The following SCUBE1 variants were observed in gnomAD, a reference collection of about 807,000 sequenced individuals.
SCUBE1 encodes signal peptide, CUB and EGF-like domain-containing protein 1.
In SCUBE1, 59 loss-of-function variants were observed where a neutral mutation model predicts 124.4. That is an observed-to-expected ratio of 0.47 (90% CI 0.38 to 0.59). The LOEUF is 0.59. Ranked by LOEUF, SCUBE1 falls within the 20% of genes least tolerant of loss-of-function variation. SCUBE1 has a pLI of 0.00. For missense variants in SCUBE1, 1,150 were observed against 1,371.2 expected (o/e 0.84, Z 2.55); for synonymous variants, 545 against 550.9 (o/e 0.99, Z 0.15).
At chr22:43,213,043 C>T (rs1921638628) in intron 16 of SCUBE1, 1 of 182,280 alleles carries the variant, frequency 5.5e-6, no homozygotes, top group Non-Finnish European at 1.1e-5. Flanking sequence ...CAGAGGGAGG[C>T]GGGTCTGGGG....
In SCUBE1 at chr22:43,254,291, G is replaced by A. The variant is rs149519021; in HGVS notation, c.727+3928C>T. 1.2e-4 allele frequency among the ~76,000 whole-genome samples: 19 copies of A among 152,304 alleles called. No homozygotes were observed. In the East Asian group the frequency reaches 1.5e-3, roughly 12 times the overall value. Reference sequence around the variant, plus strand: ...CATGGACTTAGGGTCATAGAGCACCGTCAGCCAGACCCATGAGCTCCTCGA... The same window carrying A: ...CATGGACTTAGGGTCATAGAGCACCATCAGCCAGACCCATGAGCTCCTCGA... On this transcript the variant is annotated intron_variant, in intron 6 of 21. Transcript: ENST00000360835.
Position 43,220,510 on chromosome 22 carries a change from T to C in SCUBE1, c.1627A>G (p.Lys543Glu). 1.2e-6 allele frequency: 2 copies of C among 1,614,120 alleles called. No homozygotes were observed. The highest frequency in any genetic ancestry group is 1.1e-5 in the South Asian group (1 of 91,080). Residue 543 changes from lysine to glutamate, a missense_variant, in exon 14 of 22, where the codon AAG becomes GAG. This residue lies in a region of SCUBE1 where 757 missense variants were observed against 840.9 expected (regional missense o/e 0.90). Coordinates refer to ENST00000360835, the MANE Select transcript of SCUBE1 (RefSeq NM_173050.5). ...KRRRGRKSPS[K>E]EVSHITAEFE... Reference sequence around the variant, plus strand: ...TCTGCTGTGATGTGGGACACCTCCTTGGATGGGGACTTGCGGCCACGGCGC... The same window carrying C: ...TCTGCTGTGATGTGGGACACCTCCTCGGATGGGGACTTGCGGCCACGGCGC...
rs1168072799 is a variant in SCUBE1, at chr22:43,253,615, C to G, written c.727+4604G>C. On this transcript the variant is annotated intron_variant, in intron 6 of 21. Transcript: ENST00000360835. The stretch of plus-strand genomic sequence containing the variant: ...AACCCAGGCTGAGGCTACCTGCATT[C>G]TCAGGGCCTCCCTCCTCACCTCCTG... 2.0e-5 allele frequency among the ~76,000 whole-genome samples: 3 copies of G among 152,160 alleles called. No homozygotes were observed. The East Asian group carries it at 5.8e-4, about 29-fold the overall frequency.
intron 2 of SCUBE1, among the ~76,000 whole-genome samples, chr22:43,325,706 C>T (rs770093126): frequency 2.0e-5 from 3 of 151,870 alleles, no homozygotes; most frequent in Non-Finnish European, 2.9e-5. Context: ...CCTTCCCCTG[C>T]TTGGATTTTT....
Position 43,255,431 on chromosome 22 carries a change from T to C in SCUBE1, c.727+2788A>G, listed in dbSNP as rs1923620100. The C allele has an allele frequency of 7.0e-7, 1 of 1,425,586 alleles. No individual in the cohort carries two copies. Among genetic ancestry groups the C allele is most frequent in the Non-Finnish European group, 9.7e-7 (1 of 1,033,556 alleles). The allele number at this position is 1,425,586 out of a possible 1,614,324, so 88.3% of individuals were successfully genotyped here. A position where few individuals can be genotyped will look rare whatever the true frequency, so the allele number is the denominator to read the frequency against. On this transcript the variant is annotated intron_variant, in intron 6 of 21. Transcript: ENST00000360835. This position sits in a 1 kb window ranked among gnomAD's most constrained non-coding sequence, Gnocchi z 4.7. ...TGCCAGTGCGCACCCGAGACACACA[T>C]GTGCACACACACACACAAGTGCAAG... is the stretch of plus-strand genomic sequence containing the variant.
intron 2 of SCUBE1, among the ~76,000 whole-genome samples, chr22:43,332,098 C>T (rs1926921488): frequency 6.6e-6 from 1 of 152,028 alleles, no homozygotes; most frequent in African/African-American, 2.4e-5. Context: ...ACCAACCTGG[C>T]CAACATGGTG....
intron 1 of SCUBE1, among the ~76,000 whole-genome samples, chr22:43,339,681 A>ACCCCCCACAAGCATTGC (rs1927215715): frequency 2.2e-5 from 1 of 46,214 alleles, no homozygotes; most frequent in African/African-American, 8.4e-5. Flanking sequence ...TCCTCACTCT[A>ACCCCCCACAAGCATTGC]TCCCCCCACA....
At chr22:43,319,120 C>T (rs2146783326) in intron 3 of SCUBE1, among the ~76,000 whole-genome samples, 1 of 152,286 alleles carries the variant, frequency 6.6e-6, no homozygotes, top group East Asian at 1.9e-4. Flanking sequence ...TTCAAAATTC[C>T]TTTGTTGAAG....
At chr22:43,328,215 C>G (rs933901624) in intron 2 of SCUBE1, among the ~76,000 whole-genome samples, 6 of 152,182 alleles carry the variant, frequency 3.9e-5, no homozygotes, top group African/African-American at 1.4e-4. Context: ...TGGGCTCTGG[C>G]ATCAGGACTA....
At position 43,202,140 on chromosome 22, in the gene SCUBE1, CAT is replaced by C. The variant is rs753609794; in HGVS notation, c.*1855_*1856del. The stretch of plus-strand genomic sequence containing the variant: ...GCCGCGGAGCCCGCTACTGTGGGCA[CAT>C]GTGACGGCGTGAGTAATTGCTGAGC... On this transcript the variant is annotated 3_prime_UTR_variant, in exon 22 of 22. Transcript: ENST00000360835. 2.6e-5 allele frequency: 4 copies of C among 152,264 alleles called. No homozygotes were observed. The highest frequency in any genetic ancestry group is 6.5e-5 in the Admixed American group (1 of 15,284). The allele number at this position is 152,264 out of a possible 1,614,324, so 9.4% of individuals were successfully genotyped here.
chr22:43,258,030 G>A lies in SCUBE1; in HGVS notation c.727+189C>T, dbSNP rs920820707. On this transcript the variant is annotated intron_variant, in intron 6 of 21. Coordinates refer to ENST00000360835, the MANE Select transcript of SCUBE1 (RefSeq NM_173050.5). The surrounding 1 kb of genome is among the most constrained non-coding windows in gnomAD (Gnocchi z 5.0). ...TTGGGGGGCTGCAGGCCCCAGAGAA[G>A]CCTCCCCAGAAAGCCTCCCCAGGGG... 1.3e-5 allele frequency among the ~76,000 whole-genome samples: 2 copies of A among 152,188 alleles called. No individual in the cohort carries two copies. The highest frequency in any genetic ancestry group is 6.5e-5 in the Admixed American group (1 of 15,308).
chr22:43,262,728 T>C lies in SCUBE1; in HGVS notation c.602A>G (p.Asp201Gly). The stretch of plus-strand genomic sequence containing the variant: ...TGTCTCCCTCTACCTACGTGTGCAG[T>C]CCTTCTGGTTTTGGGCAAGGTCAAA... ...PGFDLAQNQKDCTLTCNYGNG... is the reference protein window; with the variant it reads ...PGFDLAQNQKGCTLTCNYGNG... The change falls in exon 5 of 22, where the codon GAC becomes GGC. Residue 201 changes from aspartate to glycine, a missense_variant. Asp to Gly is a moderately conservative substitution (Grantham distance 94). Coordinates refer to ENST00000360835, the MANE Select transcript of SCUBE1 (RefSeq NM_173050.5). 1.2e-6 allele frequency: 2 copies of C among 1,614,066 alleles called. No individual in the cohort carries two copies. The highest frequency in any genetic ancestry group is 1.7e-5 in the Admixed American group (1 of 60,020).
chr22:43,210,800 C>A lies in SCUBE1; in HGVS notation c.2383+122G>T. The A allele has an allele frequency of 8.4e-7, 1 of 1,189,518 alleles. No individual in the cohort carries two copies. The highest frequency in any genetic ancestry group is 1.9e-5 in the Admixed American group (1 of 51,524). The allele number at this position is 1,189,518 out of a possible 1,614,324, so 73.7% of individuals were successfully genotyped here. ...GCAATGCACCCGAGAGCAGACGGGA[C>A]GGAGCGGGAGGAGTCCAGTGTCCTC... On this transcript the variant is annotated intron_variant, in intron 18 of 21. Coordinates refer to ENST00000360835, the MANE Select transcript of SCUBE1 (RefSeq NM_173050.5). The surrounding 1 kb of genome is among the most constrained non-coding windows in gnomAD (Gnocchi z 4.5).
Position 43,204,041 on chromosome 22 carries a change from G to A in SCUBE1, c.2923C>T (p.Leu975=). Residue 975 remains leucine (L), a synonymous_variant, in exon 22 of 22, where the codon CTG becomes TTG. Coordinates refer to ENST00000360835, the MANE Select transcript of SCUBE1 (RefSeq NM_173050.5). ...KEMFPRSFIK[L]LRSKVSRFLR... ...AACCGAGACACTTTGGAGCGCAGCAGTTTGATGAAGGACCGTGGGAACATC... is the reference window on the plus strand; with the variant it reads ...AACCGAGACACTTTGGAGCGCAGCAATTTGATGAAGGACCGTGGGAACATC... 3 of 1,614,172 alleles carry A rather than the reference G, an allele frequency of 1.9e-6. No individual in the cohort carries two copies. Among genetic ancestry groups the A allele is most frequent in the Non-Finnish European group, 2.5e-6 (3 of 1,180,020 alleles).
rs967057848 is a variant in SCUBE1 at position 43,290,961 on chromosome 22, C to T, written c.484+85G>A. 11 of 1,421,234 alleles carry T rather than the reference C, an allele frequency of 7.7e-6. No homozygotes were observed. The Admixed American group carries it at 2.0e-4, about 26-fold the overall frequency. The allele number at this position is 1,421,234 out of a possible 1,614,324, so 88.0% of individuals were successfully genotyped here. On this transcript the variant is annotated intron_variant, in intron 4 of 21. Transcript: ENST00000360835. Reference sequence around the variant, plus strand: ...AATTCCCTGCCTTGACCTTGAGGGCCCCAGAATTGAGATGTGGAGAAGGGG... The same window carrying T: ...AATTCCCTGCCTTGACCTTGAGGGCTCCAGAATTGAGATGTGGAGAAGGGG...
intron 6 of SCUBE1, 99 bp from the exon 7 acceptor site, chr22:43,239,053 C>A (rs576145373): frequency 2.1e-6 from 2 of 938,950 alleles, no homozygotes; most frequent in Non-Finnish European, 3.4e-6. Flanking sequence ...GAGACGAGAC[C>A]CGGGTTCAAG....
intron 5 of SCUBE1, among the ~76,000 whole-genome samples, chr22:43,259,179 C>T (rs982585973): frequency 3.9e-5 from 6 of 152,162 alleles, no homozygotes; most frequent in Non-Finnish European, 7.3e-5. Context: ...TGAGAGAGAT[C>T]GCTAGAGGGG....
At chr22:43,308,387 T>C (rs78297048) in intron 3 of SCUBE1, among the ~76,000 whole-genome samples, 11 of 152,244 alleles carry the variant, frequency 7.2e-5, no homozygotes, top group Admixed American at 6.5e-4. Context: ...ACCTCTTGAG[T>C]TTACTTTAGA....
intron 3 of SCUBE1, among the ~76,000 whole-genome samples, chr22:43,305,230 C>T (rs977408197): frequency 7.2e-5 from 11 of 152,208 alleles, no homozygotes; most frequent in African/African-American, 1.2e-4. Context: ...ACACGGACAT[C>T]AGGACATGAA....
Sources: allele counts gnomAD v4.1 joint callset (sites outside exome capture counted in the v4.1 genomes callset), GRCh38; gene constraint gnomAD v4.1.1; regional missense constraint gnomAD v4.1.1; non-coding constraint Gnocchi (gnomAD v3.1); transcripts MANE v1.5; gene names NCBI Gene and HGNC (gene_info 2026-07-23, HGNC 2026-07-21).